EBF4: variants seen among roughly 807,000 people sequenced by gnomAD.
The protein encoded by EBF4 is transcription factor COE4.
A neutral mutation model predicts 67.1 loss-of-function variants in EBF4; 34 were observed. The observed-to-expected ratio is 0.51, with a 90% CI of 0.39 to 0.67. The LOEUF (loss-of-function observed/expected upper bound fraction) is 0.67, where lower values mean the gene tolerates loss of function less well. Among genes scored for constraint, EBF4 ranks in the 30% least tolerant of loss-of-function variants. The pLI is 0.00. For synonymous variants in EBF4, 387 were observed against 377.7 expected (o/e 1.02, Z -0.29); for missense variants, 837 against 873.3 (o/e 0.96, Z 0.52).
chr20:2,715,539 T>C (rs1409587086), intron 6 of EBF4, among the ~76,000 whole-genome samples: 1 of 152,182 alleles, frequency 6.6e-6, no homozygotes, highest in African/African-American at 2.4e-5. Context: ...CAAGTTGATG[T>C]CAACTGTTTT....
chr20:2,721,236 T>C (rs1304176032), intron 6 of EBF4, among the ~76,000 whole-genome samples: 6 of 148,842 alleles, frequency 4.0e-5, no homozygotes, highest in Non-Finnish European at 8.9e-5. Flanking sequence ...TGCAGCTCAC[T>C]GATTCTCTTC....
chr20:2,752,183 A>G, exon 13 of EBF4: 1 of 1,429,290 alleles, frequency 7.0e-7, no homozygotes, highest in Non-Finnish European at 9.2e-7. Flanking sequence ...AGCCACCCAC[A>G]CCCCGCCGTC....
intron 6 of EBF4, among the ~76,000 whole-genome samples, chr20:2,715,971 A>G (rs1461248106): frequency 6.6e-6 from 1 of 151,302 alleles, no homozygotes; most frequent in African/African-American, 2.4e-5. Context: ...CTGGTCTCGA[A>G]CTCCTGACCT....
intron 6 of EBF4, among the ~76,000 whole-genome samples, chr20:2,724,227 C>T (rs1275138191): frequency 1.3e-5 from 2 of 152,188 alleles, no homozygotes; most frequent in African/African-American, 4.8e-5. Flanking sequence ...GAGTTTTGCA[C>T]CCTGAAAATT....
chr20:2,694,944 C>T (rs1420381874), intron 1 of EBF4, among the ~76,000 whole-genome samples: 1 of 152,130 alleles, frequency 6.6e-6, no homozygotes, highest in Non-Finnish European at 1.5e-5. Flanking sequence ...AAAACTTTTA[C>T]AAGGGATATA....
At chr20:2,729,865 G>A (rs2087791205) in intron 6 of EBF4, among the ~76,000 whole-genome samples, 1 of 152,226 alleles carries the variant, frequency 6.6e-6, no homozygotes, top group Non-Finnish European at 1.5e-5. Flanking sequence ...GGGAGTGAAG[G>A]AAGCAGGAGG....
chr20:2,754,754 G>A (rs2088210070), intron 14 of EBF4, among the ~76,000 whole-genome samples: 1 of 152,142 alleles, frequency 6.6e-6, no homozygotes, highest in African/African-American at 2.4e-5. Flanking sequence ...TAGAAAGGTG[G>A]GATCCAGCGA....
exon 2 of EBF4, chr20:2,705,625 C>T (rs1271712203): frequency 1.3e-6 from 2 of 1,553,372 alleles, no homozygotes; most frequent in East Asian, 2.4e-5. Context: ...CTCCCTCCAA[C>T]CTCAGGAAAT....
intron 5 of EBF4, among the ~76,000 whole-genome samples, 156 bp from the exon 6 acceptor site, chr20:2,709,418 C>G (rs545973972): frequency 6.7e-6 from 1 of 148,694 alleles, no homozygotes; most frequent in African/African-American, 2.5e-5. Context: ...CTTTCTCCCC[C>G]AAGCCCTGGG....
intron 6 of EBF4, among the ~76,000 whole-genome samples, chr20:2,738,938 T>G (rs1359521338): frequency 6.6e-6 from 1 of 152,140 alleles, no homozygotes; most frequent in Non-Finnish European, 1.5e-5. Context: ...CCTGGCTATT[T>G]ATAGTCCTCC....
intron 1 of EBF4, among the ~76,000 whole-genome samples, chr20:2,698,147 G>T (rs904786115): frequency 1.1e-4 from 16 of 152,200 alleles, no homozygotes; most frequent in African/African-American, 3.9e-4. Flanking sequence ...AGGCCTGTGA[G>T]ATTCTTCCCC....
upstream of EBF4, chr20:2,693,558 T>G (rs2087242067): frequency 7.8e-7 from 1 of 1,285,102 alleles, no homozygotes. This position sits in a 1 kb window ranked among gnomAD's most constrained non-coding sequence, Gnocchi z 4.6. Flanking sequence ...AGGCGCCTGG[T>G]GCCGTCGGGT....
chr20:2,746,881 T>C lies in EBF4; in HGVS notation c.558-1668T>C, dbSNP rs533640468. Among the ~76,000 whole-genome samples, 9 of 152,236 alleles carry C rather than the reference T, an allele frequency of 5.9e-5. No individual in the cohort carries two copies. The East Asian group carries it at 1.7e-3, about 29-fold the overall frequency. ...GTGGCCCAGGAGGCTGTTCCACATA[T>C]CAGGACCTACTGCAGACGTTAGCCC... is the stretch of plus-strand genomic sequence containing the variant. On this transcript the variant is annotated intron_variant, in intron 6 of 16. Transcript: ENST00000609451.
rs1214890712 is a variant in EBF4, at chr20:2,750,582, TCTC to T, written c.1018+613_1018+615del. 7.9e-5 allele frequency among the ~76,000 whole-genome samples: 12 copies of T among 151,364 alleles called. No individual in the cohort carries two copies. The East Asian group carries it at 1.2e-3, about 15-fold the overall frequency. ...CCCCGCCCCAGCTGAGCCACCCACT[TCTC>T]CTCTCCACCCCACCGCAGTCCCCAC... is the stretch of plus-strand genomic sequence containing the variant. On this transcript the variant is annotated intron_variant, in intron 10 of 16. Transcript: ENST00000609451.
chr20:2,743,121 CCTT>C (rs1311327438), intron 6 of EBF4, among the ~76,000 whole-genome samples: 4 of 152,306 alleles, frequency 2.6e-5, no homozygotes, highest in Admixed American at 2.6e-4. Context: ...TGCTGCCCCT[CCTT>C]CTTCTTCCCT....
At chr20:2,753,402 ACT>A (rs1280650041) in intron 14 of EBF4, among the ~76,000 whole-genome samples, 1 of 151,738 alleles carries the variant, frequency 6.6e-6, no homozygotes, top group Non-Finnish European at 1.5e-5. Context: ...TGCCCTCAAG[ACT>A]CTTCCATCAT....
chr20:2,755,425 G>T lies in EBF4; in HGVS notation c.1541-202G>T, dbSNP rs2088226311. 3.5e-6 allele frequency: 2 copies of T among 573,984 alleles called. No homozygotes were observed. The highest frequency in any genetic ancestry group is 4.4e-5 in the South Asian group (2 of 45,776). 35.6% of individuals were successfully genotyped at this position (573,984 alleles called of 1,614,324 possible). ...ACCTGGTCTGGCCCTGTCATCCCCA[G>T]CCCCGAGAAAAGGTCTCCAGAACCG... On this transcript the variant is annotated intron_variant, in intron 14 of 16. Transcript: ENST00000609451. The surrounding 1 kb of genome is among the most constrained non-coding windows in gnomAD (Gnocchi z 4.7).
intron 6 of EBF4, among the ~76,000 whole-genome samples, chr20:2,738,894 G>C (rs1047134622): frequency 6.6e-6 from 1 of 152,192 alleles, no homozygotes; most frequent in African/African-American, 2.4e-5. Flanking sequence ...ATAGAGGATG[G>C]GGTGCGGGTG....
chr20:2,758,812 A>G, intron 15 of EBF4, 97 bp from the exon 16 acceptor site: 1 of 1,094,538 alleles, frequency 9.1e-7, no homozygotes, highest in Non-Finnish European at 1.4e-6. Flanking sequence ...AGAAAGTGCT[A>G]TATCCCCTGC....
Sources: gnomAD v4.1 joint callset for allele counts (sites outside exome capture counted in the v4.1 genomes callset) on GRCh38, gnomAD v4.1.1 for gene constraint, Gnocchi (gnomAD v3.1) non-coding constraint, MANE v1.5 for transcripts, NCBI Gene and HGNC (gene_info 2026-07-23, HGNC 2026-07-21) for gene names.